Variants in DENND1A observed in about 807,000 individuals in gnomAD.
DENND1A encodes the protein DENN domain-containing protein 1A.
DENND1A carries 51 observed loss-of-function variants against 113.7 expected under a neutral mutation model. The observed-to-expected ratio is 0.45, with a 90% CI of 0.36 to 0.57. The LOEUF (loss-of-function observed/expected upper bound fraction) is 0.57. Ranked by LOEUF, DENND1A falls within the 20% of genes least tolerant of loss-of-function variation. DENND1A has a pLI of 0.00. For missense variants in DENND1A, 1,258 were observed against 1,395.9 expected (o/e 0.90, Z 1.57); for synonymous variants, 565 against 570.8 (o/e 0.99, Z 0.14).
At chr9:123,480,501 T>C (rs1488229208) in intron 13 of DENND1A, among the ~76,000 whole-genome samples, 3 of 152,320 alleles carry the variant, frequency 2.0e-5, no homozygotes, top group East Asian at 3.9e-4. Flanking sequence ...GTATTCCCTC[T>C]GCTTAGAATA....
chr9:123,469,050 G>A (rs1564545553), intron 13 of DENND1A, among the ~76,000 whole-genome samples: 1 of 152,204 alleles, frequency 6.6e-6, no homozygotes, highest in Non-Finnish European at 1.5e-5. Context: ...GGGTTACCAG[G>A]GATCCCAGGA....
intron 5 of DENND1A, among the ~76,000 whole-genome samples, chr9:123,755,716 T>G (rs1380532477): frequency 1.3e-5 from 2 of 152,238 alleles, no homozygotes; most frequent in Non-Finnish European, 2.9e-5. Context: ...ATGATCCACT[T>G]CCACTTAATG....
chr9:123,386,267 G>T (rs911504278), intron 22 of DENND1A, among the ~76,000 whole-genome samples: 1 of 151,904 alleles, frequency 6.6e-6, no homozygotes, highest in East Asian at 1.9e-4. Flanking sequence ...TTGCTTAGGA[G>T]AAGGCTAATT....
At chr9:123,766,566 A>G (rs1219158114) in intron 4 of DENND1A, among the ~76,000 whole-genome samples, 1 of 152,096 alleles carries the variant, frequency 6.6e-6, no homozygotes, top group Non-Finnish European at 1.5e-5. Context: ...CTTCTTCTCT[A>G]TATATTTGGT....
chr9:123,779,880 T>TTTTTTTTTTTTA (rs1564254952), intron 3 of DENND1A, among the ~76,000 whole-genome samples: 2 of 151,602 alleles, frequency 1.3e-5, no homozygotes, highest in African/African-American at 4.9e-5. Flanking sequence ...GACTTTTTTT[T>TTTTTTTTTTTTA]GAGACGGAGT....
At chr9:123,407,684 C>T (rs545544703) in intron 20 of DENND1A, among the ~76,000 whole-genome samples, 4 of 152,264 alleles carry the variant, frequency 2.6e-5, no homozygotes, top group Admixed American at 6.5e-5. Context: ...ATCCCAGCCG[C>T]GTCCGGGGAG....
At chr9:123,728,452 G>A (rs918201812) in intron 5 of DENND1A, among the ~76,000 whole-genome samples, 2 of 118,678 alleles carry the variant, frequency 1.7e-5, no homozygotes, top group Admixed American at 9.7e-5. Context: ...ACTCCTGCCT[G>A]GGCAACAATT....
At chr9:123,902,855 C>A (rs1345911220) in intron 1 of DENND1A, among the ~76,000 whole-genome samples, 3 of 135,642 alleles carry the variant, frequency 2.2e-5, no homozygotes, top group African/African-American at 5.5e-5. Flanking sequence ...CAAAATCCGA[C>A]AAGATTACAA....
chr9:123,447,486 C>A (rs751889348), intron 18 of DENND1A, among the ~76,000 whole-genome samples: 9 of 152,038 alleles, frequency 5.9e-5, no homozygotes, highest in Non-Finnish European at 1.3e-4. Context: ...AGAGATGGAC[C>A]CTCCATACAT....
intron 1 of DENND1A, among the ~76,000 whole-genome samples, chr9:123,885,440 C>T (rs775059314): frequency 6.6e-6 from 1 of 152,198 alleles, no homozygotes; most frequent in Non-Finnish European, 1.5e-5. Context: ...CCTCCAACAT[C>T]TGACACGTTT....
chr9:123,384,719 G>A (rs941869563), intron 22 of DENND1A, among the ~76,000 whole-genome samples: 7 of 152,170 alleles, frequency 4.6e-5, no homozygotes, highest in Non-Finnish European at 1.0e-4. Flanking sequence ...AGGCCGAGGC[G>A]GGCGGATCAC....
chr9:123,641,375 G>T (rs372513625), intron 9 of DENND1A, among the ~76,000 whole-genome samples: 1 of 148,882 alleles, frequency 6.7e-6, no homozygotes, highest in Non-Finnish European at 1.5e-5. Flanking sequence ...TGACTTGACC[G>T]CATTACTAAA....
intron 1 of DENND1A, among the ~76,000 whole-genome samples, chr9:123,924,567 C>T (rs1163714689): frequency 6.6e-6 from 1 of 151,848 alleles, no homozygotes; most frequent in Non-Finnish European, 1.5e-5. Flanking sequence ...ATAAGAATCA[C>T]CTGAACCCAG....
intron 21 of DENND1A, among the ~76,000 whole-genome samples, chr9:123,398,131 T>C (rs529186175): frequency 6.6e-6 from 1 of 152,342 alleles, no homozygotes; most frequent in African/African-American, 2.4e-5. Flanking sequence ...ATTAAACAGG[T>C]GGCAGATGCC....
chr9:123,491,859 C>G (rs1038072349), intron 13 of DENND1A: 2 of 152,250 alleles, frequency 1.3e-5, no homozygotes, highest in Non-Finnish European at 2.9e-5. Context: ...TCCTCTGTAA[C>G]CCTAGACTTG....
intron 19 of DENND1A, among the ~76,000 whole-genome samples, chr9:123,427,279 T>C (rs1018549097): frequency 3.9e-5 from 6 of 152,262 alleles, no homozygotes; most frequent in African/African-American, 7.2e-5. Flanking sequence ...AACCGTGTCA[T>C]TGCCATCTCT....
At chr9:123,891,675 C>T (rs181563010) in intron 1 of DENND1A, among the ~76,000 whole-genome samples, 26 of 152,174 alleles carry the variant, frequency 1.7e-4, no homozygotes, top group African/African-American at 3.6e-4. Flanking sequence ...CATCTTATAC[C>T]GGCAGTAGCA....
At chr9:123,501,253 G>T (rs1283317093) in intron 13 of DENND1A, among the ~76,000 whole-genome samples, 1 of 152,176 alleles carries the variant, frequency 6.6e-6, no homozygotes, top group Non-Finnish European at 1.5e-5. Context: ...TTCATCCATG[G>T]TGTAGCATGT....
At chr9:123,460,015 T>C (rs1050353156) in intron 13 of DENND1A, among the ~76,000 whole-genome samples, 1 of 152,206 alleles carries the variant, frequency 6.6e-6, no homozygotes, top group African/African-American at 2.4e-5. Flanking sequence ...GGCTGCCAAA[T>C]ACATAGATAT....
Sources: allele counts gnomAD v4.1 joint callset (sites outside exome capture counted in the v4.1 genomes callset), GRCh38; gene constraint gnomAD v4.1.1; transcripts MANE v1.5; gene names NCBI Gene and HGNC (gene_info 2026-07-23, HGNC 2026-07-21).